Variants in DGLUCY observed in about 807,000 individuals in gnomAD.
DGLUCY encodes D-glutamate cyclase, also known as D-glutamate cyclase, mitochondrial.
In DGLUCY, 58 loss-of-function variants were observed where a neutral mutation model predicts 58.5. The ratio of observed to expected loss-of-function variants is 0.99; its 90% confidence interval spans 0.80 to 1.23. The LOEUF (loss-of-function observed/expected upper bound fraction) is 1.23, where lower values mean the gene tolerates loss of function less well. Ranked by LOEUF, DGLUCY falls within the 50% of genes most tolerant of loss-of-function variation. The pLI, the probability that DGLUCY is intolerant of heterozygous loss-of-function variation, is 0.00. For synonymous variants in DGLUCY, 325 were observed against 314.1 expected (o/e 1.03, Z -0.37); for missense variants, 779 against 784.7 (o/e 0.99, Z 0.09).
chr14:91,181,348 A>G lies in DGLUCY; in HGVS notation c.893A>G (p.Gln298Arg). 1 of 1,614,052 alleles carries G rather than the reference A, an allele frequency of 6.2e-7. No individual in the cohort carries two copies. Among genetic ancestry groups the G allele is most frequent in the Non-Finnish European group, 8.5e-7 (1 of 1,180,006 alleles). The change falls in exon 8 of 14, where the codon CAG (glutamine) becomes CGG (arginine). Residue 298 changes from glutamine to arginine, a missense_variant. By Grantham distance (43) the Gln-to-Arg change is conservative (BLOSUM62 1). Coordinates refer to ENST00000256324, the MANE Select transcript of DGLUCY (RefSeq NM_001102368.3). Reference protein sequence around the residue: ...HYSIASVSASQKIRELESMIG... With the variant: ...HYSIASVSASRKIRELESMIG... The stretch of plus-strand genomic sequence containing the variant: ...AGCATCGCGTCAGTCTCTGCTTCTC[A>G]GAAGATCAGAGAACTAGAGTCTATG...
In DGLUCY at chr14:91,189,114, T is replaced by G. The variant is rs117996584; in HGVS notation, c.1139T>G (p.Val380Gly). 3.9e-3 allele frequency: 6,218 copies of G among 1,614,194 alleles called. 30 individuals carry two copies. Among genetic ancestry groups the G allele is most frequent in the Middle Eastern group, 6.6e-3 (40 of 6,062 alleles). The change falls in exon 9 of 14, where the codon GTT becomes GGT. Residue 380 changes from valine to glycine, a missense_variant. Val to Gly is a moderately radical substitution (Grantham distance 109, BLOSUM62 -3). Transcript: ENST00000256324. ...TTGGAGAAGGAGGTCGCCATAATCG[T>G]TGACCAGAGAGCCTGGAACTTGCAC... is the stretch of plus-strand genomic sequence containing the variant. ...QALEKEVAII[V>G]DQRAWNLHQK...
At chr14:91,180,437 T>C (rs2049106485) in intron 7 of DGLUCY, among the ~76,000 whole-genome samples, 1 of 151,554 alleles carries the variant, frequency 6.6e-6, no homozygotes, top group Admixed American at 6.6e-5. Flanking sequence ...CCAGGCGTGG[T>C]GGCGGGTGCC....
chr14:91,078,972 C>T (rs954429414), intron 1 of DGLUCY, among the ~76,000 whole-genome samples: 10 of 151,576 alleles, frequency 6.6e-5, no homozygotes, highest in Non-Finnish European at 1.0e-4. Context: ...GGCATGATCT[C>T]AGCTCACTGC....
intron 1 of DGLUCY, among the ~76,000 whole-genome samples, chr14:91,066,180 C>A (rs1454668473): frequency 1.3e-5 from 2 of 152,018 alleles, no homozygotes; most frequent in Non-Finnish European, 2.9e-5. Context: ...GAGTTTGAGA[C>A]CAGCCTGGCC....
intron 1 of DGLUCY, among the ~76,000 whole-genome samples, chr14:91,156,409 C>T (rs955691371): frequency 9.2e-5 from 14 of 152,152 alleles, no homozygotes; most frequent in African/African-American, 9.7e-5. Flanking sequence ...CCACTGTGCC[C>T]GGCCTGTTTC....
rs956310762 is a variant in DGLUCY, at chr14:91,167,314, C to A, written c.193C>A (p.Leu65Met). 3 of 1,614,064 alleles carry A rather than the reference C, an allele frequency of 1.9e-6. No individual in the cohort carries two copies. In the South Asian group the frequency reaches 3.3e-5, roughly 18 times the overall value. ...FCQVNTGPLPLLGQSEPEKWM... is the reference protein window; with the variant it reads ...FCQVNTGPLPMLGQSEPEKWM... ...CCAGGTCAACACTGGTCCTCTACCCCTGCTGGGCCAGAGTGAGCCAGAAAA... is the reference window on the plus strand; with the variant it reads ...CCAGGTCAACACTGGTCCTCTACCCATGCTGGGCCAGAGTGAGCCAGAAAA... Residue 65 changes from leucine (L) to methionine (M), a missense_variant, in exon 4 of 14, where the codon CTG (leucine) becomes ATG (methionine). Physicochemically the swap from Leu to Met is conservative, Grantham distance 15. Transcript: ENST00000256324.
chr14:91,151,793 T>A (rs146155431), intron 1 of DGLUCY, among the ~76,000 whole-genome samples: 1 of 152,124 alleles, frequency 6.6e-6, no homozygotes, highest in Non-Finnish European at 1.5e-5. Flanking sequence ...TAGCTGGAAT[T>A]ACAGGCGTGC....
At chr14:91,061,767 G>A (rs2043693328) in intron 1 of DGLUCY, among the ~76,000 whole-genome samples, 1 of 152,212 alleles carries the variant, frequency 6.6e-6, no homozygotes, top group Non-Finnish European at 1.5e-5. Flanking sequence ...AAGGTGAGGT[G>A]TGGTAAGATA....
intron 2 of DGLUCY, among the ~76,000 whole-genome samples, chr14:91,159,735 C>T (rs1466091927): frequency 6.6e-6 from 1 of 152,110 alleles, no homozygotes; most frequent in Non-Finnish European, 1.5e-5. Context: ...AGTCACATGT[C>T]GACAGAAACT....
chr14:91,216,114 G>T, intron 13 of DGLUCY: 1 of 219,846 alleles, frequency 4.5e-6, no homozygotes, highest in Non-Finnish European at 9.2e-6. Flanking sequence ...GGGGGGAGCA[G>T]GGGCTTGGGA....
rs144212478 is a variant in DGLUCY at position 91,096,759 on chromosome 14, C to T, written c.-82+36055C>T. Among the ~76,000 whole-genome samples, 50 of 152,302 alleles carry T rather than the reference C, an allele frequency of 3.3e-4. 2 individuals carry two copies. The East Asian group carries it at 9.1e-3, about 28-fold the overall frequency. On this transcript the variant is annotated intron_variant, in intron 1 of 4. Coordinates refer to the DGLUCY transcript ENST00000521334. Reference sequence around the variant, plus strand: ...TGTACATTCAGCCTGAGGCTGACCACTCAGCTCACCTGTAGGAATTTTTCT... The same window carrying T: ...TGTACATTCAGCCTGAGGCTGACCATTCAGCTCACCTGTAGGAATTTTTCT...
At chr14:91,143,245 T>G (rs1322989853) in intron 1 of DGLUCY, among the ~76,000 whole-genome samples, 2 of 151,340 alleles carry the variant, frequency 1.3e-5, no homozygotes, top group African/African-American at 4.9e-5. Context: ...ACAGGCGCCC[T>G]CCACCACGCC....
At chr14:91,196,681 T>C (rs918835778) in intron 10 of DGLUCY, among the ~76,000 whole-genome samples, 1 of 136,524 alleles carries the variant, frequency 7.3e-6, no homozygotes, top group African/African-American at 2.8e-5. Flanking sequence ...TCTCTGGAAG[T>C]AACAGGTCCC....
intron 13 of DGLUCY, among the ~76,000 whole-genome samples, chr14:91,221,095 C>G (rs1258838643): frequency 6.6e-6 from 1 of 152,242 alleles, no homozygotes; most frequent in Non-Finnish European, 1.5e-5. Flanking sequence ...TCTGGCCAGG[C>G]TCCCAGCCCC....
intron 3 of DGLUCY, among the ~76,000 whole-genome samples, chr14:91,160,813 T>C (rs948268630): frequency 6.6e-6 from 1 of 152,222 alleles, no homozygotes; most frequent in South Asian, 2.1e-4. Flanking sequence ...TTCCCTACTG[T>C]CTCCTGGGAG....
At chr14:91,224,599 A>T in intron 13 of DGLUCY, 85 bp from the exon 14 acceptor site, 1 of 1,335,470 alleles carries the variant, frequency 7.5e-7, no homozygotes, top group Non-Finnish European at 9.9e-7. Context: ...AAGGCAAAGG[A>T]TCCTTCTCAC....
chr14:91,140,914 A>G (rs180988807), intron 1 of DGLUCY, among the ~76,000 whole-genome samples: 9 of 152,232 alleles, frequency 5.9e-5, no homozygotes, highest in Admixed American at 5.9e-4. Context: ...TGAGGATCAG[A>G]TGTGAATCCT....
rs1243723129 is a variant in DGLUCY at position 91,215,397 on chromosome 14, T to A, written c.1565-8T>A. 1 of 1,586,636 alleles carries A rather than the reference T, an allele frequency of 6.3e-7. No individual in the cohort carries two copies. Among genetic ancestry groups the A allele is most frequent in the Admixed American group, 1.8e-5 (1 of 56,406 alleles). ...ACTCCATGATGGAATCTTGTTTTGC[T>A]GTTCTAGGTGTTTCTAACTGGGGAG... On this transcript the variant is annotated splice_region_variant and splice_polypyrimidine_tract_variant and intron_variant, in intron 12 of 13. Transcript: ENST00000256324.
At chr14:91,213,037 A>C (rs926382066) in intron 12 of DGLUCY, among the ~76,000 whole-genome samples, 1 of 151,216 alleles carries the variant, frequency 6.6e-6, no homozygotes, top group African/African-American at 2.4e-5. Flanking sequence ...TTGGGAAGCC[A>C]AGGCAGGAGG....
Sources: allele counts gnomAD v4.1 joint callset (sites outside exome capture counted in the v4.1 genomes callset), GRCh38; gene constraint gnomAD v4.1.1; transcripts MANE v1.5; gene names NCBI Gene and HGNC (gene_info 2026-07-23, HGNC 2026-07-21).